MLF1: variants seen among roughly 807,000 people sequenced by gnomAD.
MLF1 encodes myelodysplasia-myeloid leukemia factor 1.
A neutral mutation model predicts 38.3 loss-of-function variants in MLF1; 37 were observed. That is an observed-to-expected ratio of 0.96 (90% CI 0.74 to 1.27). MLF1 has a LOEUF of 1.27. Among genes scored for constraint, MLF1 ranks in the 50% most tolerant of loss-of-function variants. MLF1 has a pLI of 0.00. For synonymous variants in MLF1, 95 were observed against 106.5 expected, an observed-to-expected ratio of 0.89 and a Z score of 0.66; for missense variants, 331 against 349.2, an observed-to-expected ratio of 0.95 and a Z score of 0.42.
chr3:158,598,023 T>G, intron 4 of MLF1, 57 bp from the exon 5 acceptor site: 2 of 1,578,242 alleles, frequency 1.3e-6, no homozygotes, highest in Non-Finnish European at 1.7e-6. Context: ...ATTTGAACTC[T>G]CTGGCAATAA....
chr3:158,574,405 C>T (rs1458333444), intron 1 of MLF1, among the ~76,000 whole-genome samples: 6 of 150,518 alleles, frequency 4.0e-5, no homozygotes, highest in East Asian at 2.0e-4. Context: ...TGGTGGCTCA[C>T]GCTTGTAATT....
chr3:158,601,448 T>C (rs913142397), intron 6 of MLF1, among the ~76,000 whole-genome samples: 2 of 152,120 alleles, frequency 1.3e-5, no homozygotes, highest in African/African-American at 4.8e-5. Context: ...CACGTGCCTG[T>C]AATCCCAGCT....
chr3:158,578,470 A>G (rs1251525749), intron 1 of MLF1, among the ~76,000 whole-genome samples: 1 of 151,586 alleles, frequency 6.6e-6, no homozygotes, highest in Non-Finnish European at 1.5e-5. Context: ...CAGCCCTTAA[A>G]CACATGTATG....
chr3:158,599,971 C>A, intron 5 of MLF1, 43 bp from the exon 6 acceptor site: 1 of 947,468 alleles, frequency 1.1e-6, no homozygotes, highest in Non-Finnish European at 1.4e-6. Flanking sequence ...GATATACATT[C>A]TATATATATT....
At chr3:158,573,553 T>C (rs1053138367) in intron 1 of MLF1, 5 of 152,130 alleles carry the variant, frequency 3.3e-5, no homozygotes, top group African/African-American at 7.2e-5. Flanking sequence ...GGATTTTTTT[T>C]CCTTAATTCT....
At chr3:158,583,412 A>C (rs1044811301) in intron 1 of MLF1, among the ~76,000 whole-genome samples, 41 of 152,232 alleles carry the variant, frequency 2.7e-4, no homozygotes, top group Non-Finnish European at 7.3e-5. Flanking sequence ...GTGAGACAGT[A>C]AATGTTGTTT....
chr3:158,602,673 G>T, intron 6 of MLF1, 134 bp from the exon 7 acceptor site: 2 of 711,396 alleles, frequency 2.8e-6, no homozygotes, highest in South Asian at 6.9e-5. Flanking sequence ...CCTTATATTT[G>T]AAGCAGCTTC....
intron 1 of MLF1, 97 bp from the exon 2 acceptor site, chr3:158,592,337 C>A: frequency 9.6e-7 from 1 of 1,036,950 alleles, no homozygotes; most frequent in South Asian, 2.2e-5. Context: ...ATCTAACAAA[C>A]ATATTAGCCC....
intron 5 of MLF1, among the ~76,000 whole-genome samples, chr3:158,599,408 AAGT>A (rs1469039673): frequency 6.6e-6 from 1 of 152,234 alleles, no homozygotes; most frequent in Non-Finnish European, 1.5e-5. Context: ...AATGAATGTG[AAGT>A]AGTACATTTT....
intron 1 of MLF1, 62 bp from the exon 2 acceptor site, chr3:158,592,372 C>T: frequency 7.9e-6 from 11 of 1,399,444 alleles, no homozygotes; most frequent in Admixed American, 2.3e-5. Flanking sequence ...TAATATTTAC[C>T]TGCCTACTTA....
chr3:158,603,667 G>A (rs1020967021), intron 7 of MLF1, among the ~76,000 whole-genome samples: 8 of 151,850 alleles, frequency 5.3e-5, no homozygotes, highest in Admixed American at 3.9e-4. Flanking sequence ...GTGAAACCCC[G>A]TCTCTACTAA....
chr3:158,585,064 A>G (rs1299016774), intron 1 of MLF1, among the ~76,000 whole-genome samples: 2 of 151,834 alleles, frequency 1.3e-5, no homozygotes, highest in African/African-American at 4.8e-5. Context: ...AAGAAAAAGA[A>G]AAAGAAAAAT....
chr3:158,591,690 T>TA (rs1161287543), intron 1 of MLF1, among the ~76,000 whole-genome samples: 1 of 152,040 alleles, frequency 6.6e-6, no homozygotes, highest in African/African-American at 2.4e-5. Context: ...AGGAATTGAT[T>TA]AGTGGGTCAG....
chr3:158,599,688 C>G (rs1719456873), intron 5 of MLF1, among the ~76,000 whole-genome samples: 1 of 152,080 alleles, frequency 6.6e-6, no homozygotes, highest in South Asian at 2.1e-4. Flanking sequence ...TTGTAGGAAT[C>G]CCACCATAAA....
At chr3:158,578,977 CT>C (rs1715904833) in intron 1 of MLF1, among the ~76,000 whole-genome samples, 1 of 152,072 alleles carries the variant, frequency 6.6e-6, no homozygotes, top group Non-Finnish European at 1.5e-5. Context: ...TTTTCCTGGT[CT>C]TTAGATATTC....
chr3:158,597,338 G>A lies in MLF1; in HGVS notation c.324+393G>A, dbSNP rs555598693. ...GTAAATGAACATTTTATATGAATTTGCATAATTTTATTATTAATAACCTGT... is the reference window on the plus strand; with the variant it reads ...GTAAATGAACATTTTATATGAATTTACATAATTTTATTATTAATAACCTGT... On this transcript the variant is annotated intron_variant, in intron 4 of 7. Coordinates refer to ENST00000466246, the MANE Select transcript of MLF1 (RefSeq NM_001369783.1). Among the ~76,000 whole-genome samples the A allele has an allele frequency of 3.3e-5, 5 of 151,234 alleles. No homozygotes were observed. In the East Asian group the frequency reaches 9.9e-4, roughly 30 times the overall value.
chr3:158,574,367 C>G (rs993127024), intron 1 of MLF1, among the ~76,000 whole-genome samples: 1 of 151,680 alleles, frequency 6.6e-6, no homozygotes, highest in Non-Finnish European at 1.5e-5. Flanking sequence ...TATTGTGATT[C>G]TCTCTTTTGA....
intron 1 of MLF1, among the ~76,000 whole-genome samples, chr3:158,574,522 A>ACAAAAACC (rs747579065): frequency 6.8e-6 from 1 of 146,016 alleles, no homozygotes; most frequent in Non-Finnish European, 1.5e-5. Flanking sequence ...AAAAAAAAAA[A>ACAAAAACC]AAAAATACAA....
chr3:158,595,625 T>A (rs1007926439), intron 3 of MLF1, among the ~76,000 whole-genome samples: 2 of 152,178 alleles, frequency 1.3e-5, no homozygotes, highest in Non-Finnish European at 2.9e-5. Context: ...GCAAAATTAA[T>A]TCTACTTCAG....
Sources: gnomAD v4.1 joint callset for allele counts (sites outside exome capture counted in the v4.1 genomes callset) on GRCh38, gnomAD v4.1.1 for gene constraint, MANE v1.5 for transcripts, NCBI Gene and HGNC (gene_info 2026-07-23, HGNC 2026-07-21) for gene names.